The following CFAP20DC variants were observed in gnomAD, a reference collection of about 807,000 sequenced individuals.
CFAP20DC encodes protein CFAP20DC.
A neutral mutation model predicts 101.7 loss-of-function variants in CFAP20DC; 84 were observed. The observed-to-expected ratio is 0.83, with a 90% CI of 0.69 to 0.99. The LOEUF is 0.99. Among genes scored for constraint, CFAP20DC ranks in the 50% least tolerant of loss-of-function variants. The pLI, the probability that CFAP20DC is intolerant of heterozygous loss-of-function variation, is 0.00. For missense variants in CFAP20DC, 1,007 were observed against 970.3 expected, an observed-to-expected ratio of 1.04 and a Z score of -0.50; for synonymous variants, 359 against 351.2, an observed-to-expected ratio of 1.02 and a Z score of -0.25.
rs568049224 is a variant in CFAP20DC, at chr3:58,908,688, A to C, written c.550+5020T>G. Among the ~76,000 whole-genome samples the C allele has an allele frequency of 1.2e-4, 18 of 152,324 alleles. No individual in the cohort carries two copies. The East Asian group carries it at 3.3e-3, about 28-fold the overall frequency. On this transcript the variant is annotated intron_variant, in intron 6 of 16. Transcript: ENST00000482387. Reference sequence around the variant, plus strand: ...AGTTGAAAAGTGTATCCACAAAAAAACCCCACACAAAAATGTTTATAACAG... The same window carrying C: ...AGTTGAAAAGTGTATCCACAAAAAACCCCCACACAAAAATGTTTATAACAG...
At chr3:58,978,545 C>T (rs1293856778) in intron 4 of CFAP20DC, among the ~76,000 whole-genome samples, 5 of 151,874 alleles carry the variant, frequency 3.3e-5, no homozygotes, top group Non-Finnish European at 5.9e-5. Context: ...CCCATCTCTG[C>T]TAAAAATACA....
intron 15 of CFAP20DC, among the ~76,000 whole-genome samples, chr3:58,776,201 A>C (rs2071327440): frequency 6.6e-6 from 1 of 152,224 alleles, no homozygotes; most frequent in Non-Finnish European, 1.5e-5. Flanking sequence ...GTTTATAAGC[A>C]GTGAGCATAA....
rs753667835 is a variant in CFAP20DC, at chr3:58,849,139, C to T, written c.1864G>A (p.Val622Ile). ...GCTGATAGATCCTTCGCTTTGATTA[C>T]GGGCTCTGGAGTTTTCTGACAGGAC... ...CGSCQKTPEP[V>I]IKAKDLSAQQ... The change falls in exon 13 of 17, where the codon GTA becomes ATA. Residue 622 changes from valine (V) to isoleucine (I), a missense_variant. Val to Ile is a conservative substitution (Grantham distance 29). Coordinates refer to ENST00000482387, the MANE Select transcript of CFAP20DC (RefSeq NM_001394063.1). 126 of 1,535,870 alleles carry T rather than the reference C, an allele frequency of 8.2e-5. No homozygotes were observed. Among genetic ancestry groups the T allele is most frequent in the African/African-American group, 1.1e-4 (8 of 72,972 alleles).
intron 4 of CFAP20DC, among the ~76,000 whole-genome samples, chr3:59,032,431 C>A (rs1031336516): frequency 9.9e-5 from 15 of 152,186 alleles, no homozygotes; most frequent in African/African-American, 3.4e-4. Context: ...CAGAGTCCAG[C>A]AAGCTAAGAT....
chr3:58,798,534 T>C (rs1205597162), intron 15 of CFAP20DC, among the ~76,000 whole-genome samples: 1 of 152,216 alleles, frequency 6.6e-6, no homozygotes, highest in Non-Finnish European at 1.5e-5. Flanking sequence ...TAAACACTAG[T>C]TGTAATGACA....
rs1272428958 is a variant in CFAP20DC at position 58,897,047 on chromosome 3, G to A, written c.551-12338C>T. Among the ~76,000 whole-genome samples the A allele has an allele frequency of 6.6e-6, 1 of 152,138 alleles. No homozygotes were observed. Among genetic ancestry groups the A allele is most frequent in the East Asian group, 1.9e-4 (1 of 5,202 alleles). On this transcript the variant is annotated intron_variant, in intron 6 of 16. Coordinates refer to ENST00000482387, the MANE Select transcript of CFAP20DC (RefSeq NM_001394063.1). This position sits in a 1 kb window ranked among gnomAD's most constrained non-coding sequence, Gnocchi z 4.4. ...TCTCTTTGAAAGTCTCTAAGAACCT[G>A]CTTTATGAACCTGCATGCTCCTGTA...
chr3:59,019,960 A>T (rs956278272), intron 4 of CFAP20DC, among the ~76,000 whole-genome samples: 4 of 152,222 alleles, frequency 2.6e-5, no homozygotes, highest in Middle Eastern at 6.8e-3. Context: ...ATCACAACAG[A>T]TTGAATTAGA....
intron 16 of CFAP20DC, among the ~76,000 whole-genome samples, chr3:58,752,400 A>C (rs1368093257): frequency 1.3e-5 from 2 of 152,078 alleles, no homozygotes; most frequent in African/African-American, 4.8e-5. Context: ...TGGCCAGCAC[A>C]CTTCTACAAT....
At position 58,729,042 on chromosome 3, in the gene CFAP20DC, G is replaced by A. The variant is rs2067597085; in HGVS notation, c.198-11414C>T. 6.6e-6 allele frequency among the ~76,000 whole-genome samples: 1 copy of A among 152,186 alleles called. No homozygotes were observed. The highest frequency in any genetic ancestry group is 1.5e-5 in the Non-Finnish European group (1 of 68,032). ...ATGTTTCATAGTCACTCAGTCATATGGAGAGGCCCATATCCCAGCTCAAGT... is the reference window on the plus strand; with the variant it reads ...ATGTTTCATAGTCACTCAGTCATATAGAGAGGCCCATATCCCAGCTCAAGT... On this transcript the variant is annotated intron_variant, in intron 3 of 3. Transcript: ENST00000486145. The surrounding 1 kb of genome is among the most constrained non-coding windows in gnomAD (Gnocchi z 4.4).
chr3:58,814,403 C>G (rs1383621066), intron 14 of CFAP20DC, among the ~76,000 whole-genome samples: 1 of 151,532 alleles, frequency 6.6e-6, no homozygotes, highest in African/African-American at 2.4e-5. Flanking sequence ...CAGTATCATA[C>G]TGAATGGGCA....
At chr3:58,814,784 G>C (rs1373459306) in intron 14 of CFAP20DC, among the ~76,000 whole-genome samples, 3 of 150,920 alleles carry the variant, frequency 2.0e-5, no homozygotes, top group South Asian at 2.1e-4. Context: ...AAAATACCTA[G>C]GAATCCAACC....
At chr3:58,764,354 C>T (rs1390583844) in intron 15 of CFAP20DC, among the ~76,000 whole-genome samples, 1 of 152,168 alleles carries the variant, frequency 6.6e-6, no homozygotes, top group Non-Finnish European at 1.5e-5. Flanking sequence ...GATATAATCT[C>T]CTGGTGTGCC....
intron 6 of CFAP20DC, among the ~76,000 whole-genome samples, chr3:58,906,591 C>T (rs948364077): frequency 6.6e-6 from 1 of 152,030 alleles, no homozygotes; most frequent in Non-Finnish European, 1.5e-5. Flanking sequence ...ACTCATTGTC[C>T]TATTTTCATT....
At chr3:58,893,769 CTT>C (rs928083578) in intron 6 of CFAP20DC, among the ~76,000 whole-genome samples, 2 of 138,994 alleles carry the variant, frequency 1.4e-5, no homozygotes. Flanking sequence ...TGTTCCTGGG[CTT>C]TTTTTTTTTG....
At chr3:58,883,901 T>C (rs2081403437) in intron 7 of CFAP20DC, among the ~76,000 whole-genome samples, 2 of 152,182 alleles carry the variant, frequency 1.3e-5, no homozygotes, top group South Asian at 4.1e-4. Context: ...CATTTGTAAG[T>C]ACTACTCATT....
chr3:58,979,758 C>T (rs556769975), intron 4 of CFAP20DC, among the ~76,000 whole-genome samples: 25 of 152,062 alleles, frequency 1.6e-4, no homozygotes, highest in African/African-American at 6.0e-4. Flanking sequence ...ATTATATTTT[C>T]TCCCTAAAGA....
At chr3:59,035,701 T>C (rs531042201) in intron 4 of CFAP20DC, among the ~76,000 whole-genome samples, 1 of 152,234 alleles carries the variant, frequency 6.6e-6, no homozygotes, top group Non-Finnish European at 1.5e-5. Context: ...GAGGCAGTAA[T>C]TAATACCCTA....
In CFAP20DC at chr3:58,952,205, C is replaced by T. The variant is rs74425403; in HGVS notation, c.279-14443G>A. ...GATACGTTATTACAGTAGTCCCCCT[C>T]ATCTGTGGTTTCATGTTCCAGTGGT... On this transcript the variant is annotated intron_variant, in intron 4 of 16. Coordinates refer to ENST00000482387, the MANE Select transcript of CFAP20DC (RefSeq NM_001394063.1). Among the ~76,000 whole-genome samples the T allele has an allele frequency of 5.3e-5, 8 of 152,296 alleles. No homozygotes were observed. The East Asian group carries it at 1.5e-3, about 29-fold the overall frequency.
chr3:58,968,461 G>A (rs1559915365), intron 4 of CFAP20DC, among the ~76,000 whole-genome samples: 1 of 152,012 alleles, frequency 6.6e-6, no homozygotes, highest in Non-Finnish European at 1.5e-5. Flanking sequence ...CTAATAATCA[G>A]TTGATATTGA....
Sources: gnomAD v4.1 joint callset for allele counts (sites outside exome capture counted in the v4.1 genomes callset) on GRCh38, gnomAD v4.1.1 for gene constraint, Gnocchi (gnomAD v3.1) non-coding constraint, MANE v1.5 for transcripts, NCBI Gene and HGNC (gene_info 2026-07-23, HGNC 2026-07-21) for gene names.